Variants in PDE10A observed in about 807,000 individuals in gnomAD.
The protein encoded by PDE10A is cAMP and cAMP-inhibited cGMP 3',5'-cyclic phosphodiesterase 10A.
A neutral mutation model predicts 97.7 loss-of-function variants in PDE10A; 39 were observed. That is an observed-to-expected ratio of 0.40 (90% confidence interval 0.31 to 0.52). PDE10A has a LOEUF of 0.52. PDE10A is among the 20% of genes least tolerant of loss of function. The probability of loss-of-function intolerance (pLI) is 0.56; values close to 1 mark genes in which losing one functional copy is unlikely to be tolerated. For synonymous variants in PDE10A, 371 were observed against 376.8 expected (o/e 0.98, Z 0.18); for missense variants, 731 against 1,047.8 (o/e 0.70, Z 4.17).
chr6:165,619,730 T>TGC (rs1788031586), intron 1 of PDE10A, among the ~76,000 whole-genome samples: 2 of 148,700 alleles, frequency 1.3e-5, no homozygotes, highest in African/African-American at 5.0e-5. Context: ...CAGTGTAGTG[T>TGC]AGTGTAGTCT....
At chr6:165,972,905 C>G (rs912657974) in intron 1 of PDE10A, among the ~76,000 whole-genome samples, 6 of 152,160 alleles carry the variant, frequency 3.9e-5, no homozygotes, top group African/African-American at 1.4e-4. Context: ...CACACATACA[C>G]AAGTCCCTGT....
At chr6:165,629,796 A>G (rs1788549547) in intron 1 of PDE10A, among the ~76,000 whole-genome samples, 1 of 152,196 alleles carries the variant, frequency 6.6e-6, no homozygotes, top group South Asian at 2.1e-4. Context: ...AGCCTCCCAC[A>G]GTGCTGGGAT....
chr6:165,809,796 A>G (rs560338201), intron 1 of PDE10A, among the ~76,000 whole-genome samples: 1 of 152,324 alleles, frequency 6.6e-6, no homozygotes, highest in Non-Finnish European at 1.5e-5. Context: ...GCATATTAGC[A>G]TCAGCCCTGG....
chr6:165,922,523 T>C (rs1345420637), intron 1 of PDE10A, among the ~76,000 whole-genome samples: 1 of 152,252 alleles, frequency 6.6e-6, no homozygotes, highest in Non-Finnish European at 1.5e-5. Context: ...GATATTCATA[T>C]GGAAAATGAC....
chr6:165,599,442 G>A (rs973253885), intron 1 of PDE10A, among the ~76,000 whole-genome samples: 3 of 152,098 alleles, frequency 2.0e-5, no homozygotes, highest in Non-Finnish European at 4.4e-5. Context: ...ATACATTTCA[G>A]TGTTAGTTTT....
intron 1 of PDE10A, among the ~76,000 whole-genome samples, chr6:165,785,133 G>A (rs6928737): frequency 0.64 from 97,208 of 152,028 alleles, 31,222 homozygotes; most frequent in African/African-American, 0.71. Context: ...AGGGCACTGG[G>A]CAAGGTGTGC....
intron 1 of PDE10A, among the ~76,000 whole-genome samples, chr6:165,873,342 C>G (rs1487603285): frequency 6.6e-6 from 1 of 152,184 alleles, no homozygotes; most frequent in East Asian, 1.9e-4. Flanking sequence ...GAACAAAACC[C>G]CGACAGCAAT....
At chr6:165,804,786 G>T (rs1779074411) in intron 1 of PDE10A, among the ~76,000 whole-genome samples, 2 of 150,906 alleles carry the variant, frequency 1.3e-5, no homozygotes, top group Non-Finnish European at 3.0e-5. Context: ...ACTGGGCGAC[G>T]GCCCCGGGGC....
intron 1 of PDE10A, among the ~76,000 whole-genome samples, chr6:165,698,101 T>G (rs948122707): frequency 6.6e-6 from 1 of 152,166 alleles, no homozygotes; most frequent in African/African-American, 2.4e-5. Context: ...ATCTTCCTAT[T>G]ATTAAAACAA....
intron 1 of PDE10A, among the ~76,000 whole-genome samples, chr6:165,957,129 G>A (rs1784157481): frequency 6.6e-6 from 1 of 152,130 alleles, no homozygotes; most frequent in Non-Finnish European, 1.5e-5. Flanking sequence ...AGATATGAGG[G>A]TAGGGGTGAG....
intron 2 of PDE10A, among the ~76,000 whole-genome samples, chr6:165,491,428 A>G (rs887063247): frequency 6.6e-6 from 1 of 152,192 alleles, no homozygotes; most frequent in Non-Finnish European, 1.5e-5. Flanking sequence ...CCTAGCCAAC[A>G]ATTGCAGAAT....
chr6:165,569,294 T>C (rs1031733342), intron 1 of PDE10A, among the ~76,000 whole-genome samples: 6 of 152,226 alleles, frequency 3.9e-5, no homozygotes, highest in Non-Finnish European at 8.8e-5. Flanking sequence ...TTGTCCCTAA[T>C]TGAGACTATT....
intron 10 of PDE10A, among the ~76,000 whole-genome samples, chr6:165,425,815 C>T (rs1789107163): frequency 7.6e-6 from 1 of 132,202 alleles, no homozygotes; most frequent in Non-Finnish European, 1.7e-5. Context: ...ATGTAATCCA[C>T]TAAGAAACTA....
At chr6:165,678,922 C>A (rs1790899425) in intron 1 of PDE10A, among the ~76,000 whole-genome samples, 1 of 152,200 alleles carries the variant, frequency 6.6e-6, no homozygotes, top group African/African-American at 2.4e-5. Context: ...CAGGCAGACT[C>A]TTCCGATTCG....
chr6:165,512,539 G>A (rs958659856), intron 2 of PDE10A, among the ~76,000 whole-genome samples: 1 of 151,898 alleles, frequency 6.6e-6, no homozygotes, highest in Non-Finnish European at 1.5e-5. Flanking sequence ...TCTGACAGGG[G>A]TTGCAAATAG....
intron 2 of PDE10A, among the ~76,000 whole-genome samples, chr6:165,517,595 T>C (rs1054184529): frequency 6.6e-6 from 1 of 152,128 alleles, no homozygotes; most frequent in Non-Finnish European, 1.5e-5. Context: ...AACACACAAT[T>C]GGTACAGACA....
At chr6:165,656,899 C>T (rs1789997400) in intron 1 of PDE10A, among the ~76,000 whole-genome samples, 1 of 152,218 alleles carries the variant, frequency 6.6e-6, no homozygotes, top group Admixed American at 6.5e-5. Flanking sequence ...CTCGAAATAA[C>T]TGATTTTGTC....
At chr6:165,697,947 T>TA (rs1791479003) in intron 1 of PDE10A, among the ~76,000 whole-genome samples, 1 of 152,182 alleles carries the variant, frequency 6.6e-6, no homozygotes, top group Non-Finnish European at 1.5e-5. Flanking sequence ...TTATTCCTGT[T>TA]ACGCCGTCAC....
chr6:165,802,585 C>A (rs1461687776), intron 1 of PDE10A, among the ~76,000 whole-genome samples: 1 of 152,198 alleles, frequency 6.6e-6, no homozygotes, highest in Non-Finnish European at 1.5e-5. Context: ...TATGCAACCA[C>A]GGGGGCCCTC....
Sources: allele counts gnomAD v4.1 joint callset (sites outside exome capture counted in the v4.1 genomes callset), GRCh38; gene constraint gnomAD v4.1.1; transcripts MANE v1.5; gene names NCBI Gene and HGNC (gene_info 2026-07-23, HGNC 2026-07-21).